Variants in ZBBX observed in about 807,000 individuals in gnomAD.
The protein encoded by ZBBX is zinc finger B-box domain-containing protein 1.
ZBBX carries 101 observed loss-of-function variants against 108.5 expected under a neutral mutation model. That is an observed-to-expected ratio of 0.93 (90% CI 0.79 to 1.10). The LOEUF (loss-of-function observed/expected upper bound fraction) is 1.10. ZBBX is among the 50% of genes least tolerant of loss of function. The pLI is 0.00. For synonymous variants in ZBBX, 356 were observed against 323.4 expected (o/e 1.10, Z -1.08); for missense variants, 1,009 against 941.4 (o/e 1.07, Z -0.94).
chr3:167,295,045 G>C (rs1409505641), intron 18 of ZBBX, among the ~76,000 whole-genome samples: 4 of 152,204 alleles, frequency 2.6e-5, no homozygotes, highest in Non-Finnish European at 5.9e-5. Context: ...GGAAACAACA[G>C]ATGCTGGAGA....
chr3:167,403,317 A>C (rs1047402648), intron 1 of ZBBX, among the ~76,000 whole-genome samples: 20 of 152,148 alleles, frequency 1.3e-4, no homozygotes, highest in African/African-American at 4.8e-4. Flanking sequence ...TACATCCAGC[A>C]AAAATCGCCT....
Position 167,364,429 on chromosome 3 carries a change from G to A in ZBBX, c.273+1457C>T, listed in dbSNP as rs576557296. Among the ~76,000 whole-genome samples the A allele has an allele frequency of 2.3e-4, 35 of 151,870 alleles. 2 individuals are homozygous for A. Among genetic ancestry groups the A allele is most frequent in the South Asian group, 4.1e-4 (2 of 4,834 alleles). The stretch of plus-strand genomic sequence containing the variant: ...CGTCCTTATAACATTGAACTACTTC[G>A]ATTTTACTTCGCCATTCTTTTTCTT... On this transcript the variant is annotated intron_variant, in intron 6 of 21. Transcript: ENST00000675490.
At chr3:167,404,707 G>T (rs566622073) in intron 1 of ZBBX, among the ~76,000 whole-genome samples, 45 of 152,294 alleles carry the variant, frequency 3.0e-4, no homozygotes, top group African/African-American at 1.1e-3. Flanking sequence ...AAATTGGACT[G>T]ACTTCAATTT....
At chr3:167,350,583 A>T in intron 8 of ZBBX, 68 bp from the exon 9 acceptor site, 2 of 1,121,198 alleles carry the variant, frequency 1.8e-6, no homozygotes, top group Non-Finnish European at 2.5e-6. Context: ...AAGTGTTTGC[A>T]TAAAGATGTC....
chr3:167,226,176 T>A, the ZBBX span, among the ~76,000 whole-genome samples: 32 of 150,712 alleles, frequency 2.1e-4, no homozygotes, highest in African/African-American at 7.6e-4. Context: ...AATAAAAGAG[T>A]TAGAGCCAGA....
chr3:167,221,754 G>T, the ZBBX span, among the ~76,000 whole-genome samples: 6 of 151,860 alleles, frequency 4.0e-5, no homozygotes, highest in African/African-American at 7.2e-5. Flanking sequence ...ATGGGCAAAA[G>T]ATCCGAATAG....
At chr3:167,379,356 C>T (rs529426511) in intron 2 of ZBBX, among the ~76,000 whole-genome samples, 1 of 152,218 alleles carries the variant, frequency 6.6e-6, no homozygotes, top group African/African-American at 2.4e-5. Context: ...AAAATAATTG[C>T]AAGAATTATT....
At chr3:167,369,261 G>A (rs951352528) in intron 4 of ZBBX, among the ~76,000 whole-genome samples, 1 of 152,090 alleles carries the variant, frequency 6.6e-6, no homozygotes, top group African/African-American at 2.4e-5. Flanking sequence ...TAATTCTCTA[G>A]CTTTTACTAT....
chr3:167,223,604 T>C, the ZBBX span, among the ~76,000 whole-genome samples: 1 of 151,964 alleles, frequency 6.6e-6, no homozygotes, highest in Non-Finnish European at 1.5e-5. Flanking sequence ...ATGTCAATTC[T>C]AGCTTTTAAC....
intron 21 of ZBBX, among the ~76,000 whole-genome samples, chr3:167,242,045 G>A (rs1014272164): frequency 3.3e-5 from 5 of 152,088 alleles, no homozygotes; most frequent in African/African-American, 1.2e-4. Context: ...TGTGAGGAAA[G>A]AATGATATCA....
intron 1 of ZBBX, among the ~76,000 whole-genome samples, chr3:167,404,258 T>C (rs776614752): frequency 2.0e-5 from 3 of 152,122 alleles, no homozygotes; most frequent in Non-Finnish European, 4.4e-5. Flanking sequence ...ATGCTACTTA[T>C]AATAGAGCTT....
chr3:167,396,072 C>T (rs757150823), intron 1 of ZBBX, among the ~76,000 whole-genome samples: 1 of 151,984 alleles, frequency 6.6e-6, no homozygotes, highest in Non-Finnish European at 1.5e-5. Flanking sequence ...GTTTTCCTGG[C>T]AAAATTTCTC....
At chr3:167,348,305 A>AAG (rs1560162839) in intron 9 of ZBBX, among the ~76,000 whole-genome samples, 169 of 115,584 alleles carry the variant, frequency 1.5e-3, no homozygotes, top group Admixed American at 6.7e-3. Flanking sequence ...GAAGAAAGAG[A>AAG]GAAAGAAAGA....
intron 20 of ZBBX, among the ~76,000 whole-genome samples, chr3:167,250,816 C>T (rs1007653748): frequency 2.0e-5 from 3 of 152,114 alleles, no homozygotes; most frequent in African/African-American, 7.2e-5. Flanking sequence ...GCTCCACTCC[C>T]TTGGACCTAG....
At chr3:167,290,102 C>T (rs59271792) in intron 18 of ZBBX, among the ~76,000 whole-genome samples, 49,049 of 152,022 alleles carry the variant, frequency 0.32, 8,377 homozygotes, top group East Asian at 0.65. Context: ...TCTACCTCCC[C>T]GGGACAGAGC....
At chr3:167,386,003 T>A (rs893452587) in intron 1 of ZBBX, among the ~76,000 whole-genome samples, 6 of 152,070 alleles carry the variant, frequency 3.9e-5, no homozygotes. Flanking sequence ...TGACCCAACC[T>A]ACCCTTGTAA....
the ZBBX span, among the ~76,000 whole-genome samples, chr3:167,223,321 A>G: frequency 5.3e-5 from 8 of 152,024 alleles, no homozygotes; most frequent in Non-Finnish European, 8.8e-5. Context: ...ATCTAAAATT[A>G]TCTGCATAGT....
In ZBBX at chr3:167,333,839, C is replaced by T. The variant is rs770746488; in HGVS notation, c.675G>A (p.Arg225=). The change falls in exon 10 of 22, where the codon AGG becomes AGA. Residue 225 remains arginine (R), a synonymous_variant. Transcript: ENST00000675490. The stretch of plus-strand genomic sequence containing the variant: ...TTCCTCAGTTTACCTCAGAGCTGCT[C>T]CTCTGGAGAAGTACAGATTTGGGTT... The part of the protein sequence containing the change: ...QHKPKSVLLQ[R]SSSEVEITTM... 1.5e-5 allele frequency: 24 copies of T among 1,606,780 alleles called. No individual in the cohort carries two copies. Among genetic ancestry groups the T allele is most frequent in the African/African-American group, 1.3e-5 (1 of 74,538 alleles).
In ZBBX at chr3:167,282,504, A is replaced by G. The variant is rs1220886642; in HGVS notation, c.1997-9T>C. ...TCTCTGTGATTTCTGACCTAAAATT[A>G]AAAGTAAAAAGTTTTTAAATCAACT... On this transcript the variant is annotated splice_polypyrimidine_tract_variant and intron_variant, in intron 19 of 21. Coordinates refer to ENST00000675490, the MANE Select transcript of ZBBX (RefSeq NM_001199201.2). The G allele has an allele frequency of 6.3e-7, 1 of 1,586,368 alleles. No homozygotes were observed. Among genetic ancestry groups the G allele is most frequent in the Admixed American group, 1.9e-5 (1 of 52,324 alleles).
Sources: gnomAD v4.1 joint callset for allele counts (sites outside exome capture counted in the v4.1 genomes callset) on GRCh38, gnomAD v4.1.1 for gene constraint, MANE v1.5 for transcripts, NCBI Gene and HGNC (gene_info 2026-07-23, HGNC 2026-07-21) for gene names.